The following ARL15 variants were observed in gnomAD, a reference collection of about 807,000 sequenced individuals.
ARL15 encodes ADP-ribosylation factor-like protein 15.
ARL15 carries 19 observed loss-of-function variants against 25.2 expected under a neutral mutation model. The observed-to-expected ratio is 0.75, with a 90% CI of 0.53 to 1.10. ARL15 has a LOEUF of 1.10. Ranked by LOEUF, ARL15 falls within the 50% of genes least tolerant of loss-of-function variation. ARL15 has a pLI of 0.00. For synonymous variants in ARL15, 94 were observed against 86.8 expected, an observed-to-expected ratio of 1.08 and a Z score of -0.46; for missense variants, 220 against 246.0, an observed-to-expected ratio of 0.89 and a Z score of 0.71.
At chr5:54,238,956 G>A (rs552623419) in intron 1 of ARL15, among the ~76,000 whole-genome samples, 30 of 152,290 alleles carry the variant, frequency 2.0e-4, no homozygotes, top group Non-Finnish European at 3.8e-4. Context: ...ATACCAAGGT[G>A]CCACTTTTAT....
chr5:54,013,801 T>C (rs1259465707), intron 4 of ARL15, among the ~76,000 whole-genome samples: 3 of 152,196 alleles, frequency 2.0e-5, no homozygotes, highest in African/African-American at 2.4e-5. Context: ...CACACCCCTA[T>C]GATTTCACTT....
At chr5:54,188,865 T>C (rs1755315823) in intron 1 of ARL15, among the ~76,000 whole-genome samples, 1 of 152,172 alleles carries the variant, frequency 6.6e-6, no homozygotes, top group South Asian at 2.1e-4. Context: ...TTTAATCCTA[T>C]TAATTTTAAA....
At chr5:54,062,211 G>T (rs1400783244) in intron 4 of ARL15, among the ~76,000 whole-genome samples, 1 of 152,208 alleles carries the variant, frequency 6.6e-6, no homozygotes, top group Non-Finnish European at 1.5e-5. Flanking sequence ...AGGCTCATAG[G>T]TGGAAGGGGT....
chr5:54,093,074 A>C (rs1301610695), intron 4 of ARL15, among the ~76,000 whole-genome samples: 1 of 152,214 alleles, frequency 6.6e-6, no homozygotes, highest in Non-Finnish European at 1.5e-5. Context: ...AGTATTCATA[A>C]AGGATGAGTG....
intron 4 of ARL15, among the ~76,000 whole-genome samples, chr5:53,957,301 G>C (rs1747191938): frequency 1.3e-5 from 2 of 151,978 alleles, no homozygotes; most frequent in African/African-American, 4.8e-5. Flanking sequence ...AAAGGAGTGG[G>C]ACAACATTTT....
At chr5:54,140,661 G>A (rs2112308723) in intron 3 of ARL15, among the ~76,000 whole-genome samples, 1 of 152,292 alleles carries the variant, frequency 6.6e-6, no homozygotes, top group Non-Finnish European at 1.5e-5. Flanking sequence ...ATTTTGCCAA[G>A]ATGTGGAAAA....
chr5:54,004,664 C>T (rs1164732791), intron 4 of ARL15, among the ~76,000 whole-genome samples: 2 of 152,062 alleles, frequency 1.3e-5, no homozygotes, highest in African/African-American at 4.8e-5. Flanking sequence ...TTTGCACTTA[C>T]TGGTAAATTA....
chr5:53,996,029 G>C (rs1748657869), intron 4 of ARL15, among the ~76,000 whole-genome samples: 1 of 152,104 alleles, frequency 6.6e-6, no homozygotes, highest in African/African-American at 2.4e-5. Context: ...TTTGTAAAAG[G>C]TTTGTCTCCT....
intron 1 of ARL15, among the ~76,000 whole-genome samples, chr5:54,196,940 A>G (rs968591461): frequency 6.6e-6 from 1 of 152,118 alleles, no homozygotes; most frequent in Non-Finnish European, 1.5e-5. Context: ...ATTTTCATTC[A>G]TATGAGTTTC....
At chr5:54,108,653 C>T (rs1391684539) in intron 4 of ARL15, among the ~76,000 whole-genome samples, 1 of 152,000 alleles carries the variant, frequency 6.6e-6, no homozygotes, top group Non-Finnish European at 1.5e-5. Flanking sequence ...AAGAAATGAT[C>T]TGTTATCAAG....
chr5:53,886,786 G>T, intron 4 of ARL15, 73 bp from the exon 5 acceptor site: 1 of 1,383,988 alleles, frequency 7.2e-7, no homozygotes, highest in Non-Finnish European at 9.7e-7. Context: ...AATTCTGAGG[G>T]ATAAAGTAGG....
At position 53,926,498 on chromosome 5, in the gene ARL15, T is replaced by G. The variant is rs556528743; in HGVS notation, c.463-39785A>C. Among the ~76,000 whole-genome samples the G allele has an allele frequency of 1.5e-4, 23 of 152,218 alleles. 1 individual carries two copies. The highest frequency in any genetic ancestry group is 4.8e-4 in the African/African-American group (20 of 41,530). On this transcript the variant is annotated intron_variant, in intron 4 of 4. Transcript: ENST00000504924. Reference sequence around the variant, plus strand: ...TCTCCCATACTTGTCCTTCTTCCCCTCAAAATTCTGTCTGTCCCTCCCTGA... The same window carrying G: ...TCTCCCATACTTGTCCTTCTTCCCCGCAAAATTCTGTCTGTCCCTCCCTGA...
chr5:54,028,044 C>T (rs1449980728), intron 4 of ARL15, among the ~76,000 whole-genome samples: 1 of 151,974 alleles, frequency 6.6e-6, no homozygotes, highest in Admixed American at 6.6e-5. Context: ...CCTCAGCCTC[C>T]CTAGTAGGTG....
At chr5:54,271,421 T>C (rs778092992) in intron 1 of ARL15, among the ~76,000 whole-genome samples, 5 of 152,198 alleles carry the variant, frequency 3.3e-5, no homozygotes, top group Non-Finnish European at 4.4e-5. Context: ...CTTTAAATCA[T>C]CTCTAGATAA....
At chr5:54,264,037 G>A (rs911504981) in intron 1 of ARL15, among the ~76,000 whole-genome samples, 12 of 152,014 alleles carry the variant, frequency 7.9e-5, no homozygotes, top group Admixed American at 5.9e-4. Flanking sequence ...TATCTACAAA[G>A]TTTCTTGACT....
At chr5:54,126,883 G>A (rs1173549134) in intron 3 of ARL15, among the ~76,000 whole-genome samples, 2 of 151,244 alleles carry the variant, frequency 1.3e-5, no homozygotes, top group African/African-American at 4.9e-5. Context: ...AAGTTTTAGG[G>A]TACATGTGCA....
At chr5:54,219,123 A>T (rs767408787) in intron 1 of ARL15, among the ~76,000 whole-genome samples, 2 of 152,144 alleles carry the variant, frequency 1.3e-5, no homozygotes, top group Non-Finnish European at 2.9e-5. Context: ...AAGGAACCAC[A>T]AAATAAACTG....
chr5:54,084,527 T>C (rs982097375), intron 4 of ARL15, among the ~76,000 whole-genome samples: 6 of 152,098 alleles, frequency 3.9e-5, no homozygotes, highest in African/African-American at 1.2e-4. Flanking sequence ...CTACCCTTTC[T>C]CCTCAACGCT....
At chr5:54,004,058 G>A (rs762830217) in intron 4 of ARL15, among the ~76,000 whole-genome samples, 4 of 152,228 alleles carry the variant, frequency 2.6e-5, no homozygotes, top group Non-Finnish European at 5.9e-5. Context: ...ACTTCCATAG[G>A]AAACTTTCCT....
Sources: gnomAD v4.1 joint callset for allele counts (sites outside exome capture counted in the v4.1 genomes callset) on GRCh38, gnomAD v4.1.1 for gene constraint, MANE v1.5 for transcripts, NCBI Gene and HGNC (gene_info 2026-07-23, HGNC 2026-07-21) for gene names.